The following MTNAP1 variants were observed in gnomAD, a reference collection of about 807,000 sequenced individuals.
The protein encoded by MTNAP1 is mitochondrial nucleoid associated protein 1, also known as mitochondrial nucleoid-associated protein 1.
the MTNAP1 span, among the ~76,000 whole-genome samples, chr17:73,234,343 T>G: frequency 6.6e-6 from 1 of 151,718 alleles, no homozygotes; most frequent in Non-Finnish European, 1.5e-5. Flanking sequence ...ATTTTTTACA[T>G]CGTATATGTT....
chr17:73,240,432 C>G, the MTNAP1 span, among the ~76,000 whole-genome samples: 2 of 152,192 alleles, frequency 1.3e-5, no homozygotes, highest in African/African-American at 4.8e-5. Context: ...ACCCTAGGAT[C>G]AGGTCAAGCC....
the MTNAP1 span, among the ~76,000 whole-genome samples, chr17:73,239,430 T>C: frequency 1.9e-3 from 294 of 152,332 alleles, 4 homozygotes; most frequent in African/African-American, 6.7e-3. Flanking sequence ...TTATGCTAGA[T>C]ACATTATGTC....
At chr17:73,242,198 G>A in the MTNAP1 span, 1 of 1,284,734 alleles carries the variant, frequency 7.8e-7, no homozygotes, top group Non-Finnish European at 1.1e-6. Context: ...AGGGAAGGGG[G>A]TACGTTTCGG....
the MTNAP1 span, among the ~76,000 whole-genome samples, chr17:73,244,895 C>T: frequency 6.6e-6 from 1 of 152,116 alleles, no homozygotes; most frequent in Non-Finnish European, 1.5e-5. Flanking sequence ...CCTTTCTGAT[C>T]GTCCTGCATA....
the MTNAP1 span, among the ~76,000 whole-genome samples, chr17:73,240,225 C>T: frequency 3.3e-5 from 5 of 152,182 alleles, no homozygotes; most frequent in Non-Finnish European, 7.4e-5. Flanking sequence ...ATTTTAATCC[C>T]TTTTATTGCT....
chr17:73,241,637 T>G, the MTNAP1 span, among the ~76,000 whole-genome samples: 77,798 of 151,976 alleles, frequency 0.51, 20,008 homozygotes, highest in East Asian at 0.62. Flanking sequence ...GATGATAGAA[T>G]ATGTAAAAGA....
the MTNAP1 span, chr17:73,248,660 T>A: frequency 1.0e-6 from 1 of 975,748 alleles, no homozygotes; most frequent in Non-Finnish European, 1.6e-6. Context: ...GAGGACGTAT[T>A]TGAAGGTTCT....
chr17:73,248,533 C>A, the MTNAP1 span: 11 of 1,551,670 alleles, frequency 7.1e-6, no homozygotes, highest in Non-Finnish European at 9.6e-6. Context: ...ATTCCCGAAT[C>A]TTCCTGCAAG....
the MTNAP1 span, among the ~76,000 whole-genome samples, chr17:73,234,793 A>ATGTG: frequency 6.9e-6 from 1 of 144,340 alleles, no homozygotes; most frequent in African/African-American, 2.8e-5. Flanking sequence ...GTGTGTGTGT[A>ATGTG]TATGCATATT....
At chr17:73,236,295 A>T in the MTNAP1 span, 1 of 1,614,158 alleles carries the variant, frequency 6.2e-7, no homozygotes, top group Admixed American at 1.7e-5. Context: ...CTGAGACTCC[A>T]GAAAAGAACA....
chr17:73,248,247 T>G, the MTNAP1 span: 1 of 486,686 alleles, frequency 2.1e-6, no homozygotes. Flanking sequence ...ACAAGACTCC[T>G]CAGAACGAAT....
the MTNAP1 span, chr17:73,236,828 C>G: frequency 6.2e-7 from 1 of 1,614,090 alleles, no homozygotes; most frequent in Non-Finnish European, 8.5e-7. Flanking sequence ...AATCATGCTG[C>G]AGCTGCTGGC....
the MTNAP1 span, among the ~76,000 whole-genome samples, chr17:73,246,345 A>G: frequency 6.6e-6 from 1 of 152,084 alleles, no homozygotes; most frequent in Non-Finnish European, 1.5e-5. Flanking sequence ...CAGCCTGTGC[A>G]ATGTGGTGAA....
chr17:73,232,450 G>C, the MTNAP1 span: 1 of 925,584 alleles, frequency 1.1e-6, no homozygotes, highest in Non-Finnish European at 1.5e-6. Flanking sequence ...GACCTCCCCT[G>C]GGGTGGCAGA....
the MTNAP1 span, chr17:73,248,515 C>G: frequency 6.4e-7 from 1 of 1,551,688 alleles, no homozygotes; most frequent in East Asian, 2.4e-5. Flanking sequence ...TTCCAGGCAG[C>G]AGCTTGAATT....
the MTNAP1 span, chr17:73,235,540 C>A: frequency 6.2e-7 from 1 of 1,613,978 alleles, no homozygotes; most frequent in Non-Finnish European, 8.5e-7. Flanking sequence ...GCCATTTAAA[C>A]GATTAAAATC....
the MTNAP1 span, chr17:73,248,488 C>T: frequency 1.3e-6 from 2 of 1,551,654 alleles, no homozygotes; most frequent in Admixed American, 2.0e-5. Context: ...AGGTAAGAAG[C>T]AACGCTTAGA....
At chr17:73,242,929 G>C in the MTNAP1 span, 1 of 1,614,020 alleles carries the variant, frequency 6.2e-7, no homozygotes, top group South Asian at 1.1e-5. Flanking sequence ...ATAAGGAAGA[G>C]TGGATTCGGT....
the MTNAP1 span, among the ~76,000 whole-genome samples, chr17:73,241,172 T>C: frequency 1.3e-5 from 2 of 152,040 alleles, no homozygotes. Flanking sequence ...TTTTTTTTGT[T>C]TTTGAGGCAG....
Sources: allele counts gnomAD v4.1 joint callset (sites outside exome capture counted in the v4.1 genomes callset), GRCh38; gene constraint gnomAD v4.1.1; transcripts MANE v1.5; gene names NCBI Gene and HGNC (gene_info 2026-07-23, HGNC 2026-07-21).